The following LSM2 variants were observed in gnomAD, a reference collection of about 807,000 sequenced individuals.
LSM2 encodes the protein LSM2 homolog, U6 small nuclear RNA and mRNA degradation associated, also known as U6 snRNA-associated Sm-like protein LSm2.
A neutral mutation model predicts 17.0 loss-of-function variants in LSM2; 12 were observed. The ratio of observed to expected loss-of-function variants is 0.70; its 90% confidence interval spans 0.45 to 1.14. LSM2 has a LOEUF of 1.14. LSM2 is among the 50% of genes most tolerant of loss of function. The pLI, the probability that LSM2 is intolerant of heterozygous loss-of-function variation, is 0.00. For missense variants in LSM2, 62 were observed against 111.8 expected (o/e 0.55, Z 2.01); for synonymous variants, 42 against 44.5 (o/e 0.94, Z 0.22).
At chr6:31,805,717 T>C (rs938488305) in intron 2 of LSM2, among the ~76,000 whole-genome samples, 1 of 152,160 alleles carries the variant, frequency 6.6e-6, no homozygotes, top group Non-Finnish European at 1.5e-5. Flanking sequence ...TTGCTTTGTA[T>C]TGTTTTCCAA....
chr6:31,805,105 A>G (rs1270444120), intron 2 of LSM2, among the ~76,000 whole-genome samples: 1 of 150,680 alleles, frequency 6.6e-6, no homozygotes, highest in African/African-American at 2.4e-5. Flanking sequence ...TCCTCTGTCA[A>G]CCAGGCTGGA....
At chr6:31,805,580 G>C (rs1310454177) in intron 2 of LSM2, among the ~76,000 whole-genome samples, 1 of 151,138 alleles carries the variant, frequency 6.6e-6, no homozygotes, top group Non-Finnish European at 1.5e-5. Flanking sequence ...GACCGGGCTG[G>C]TCTTGAACTC....
intron 1 of LSM2, 83 bp downstream of exon 1, chr6:31,806,672 G>A (rs898902812): frequency 6.4e-7 from 1 of 1,551,438 alleles, no homozygotes; most frequent in Non-Finnish European, 8.8e-7. Context: ...CCTAACTCCA[G>A]CCTAGGGGTA....
Position 31,806,582 on chromosome 6 carries a change from AAT to A in LSM2, c.3+171_3+172del. 5.5e-6 allele frequency: 5 copies of A among 903,596 alleles called. No individual in the cohort carries two copies. The South Asian group carries it at 7.3e-5, about 13-fold the overall frequency. The allele number at this position is 903,596 out of a possible 1,614,324, so 56.0% of individuals were successfully genotyped here. A position where few individuals can be genotyped will look rare whatever the true frequency, so the allele number is the denominator to read the frequency against. On this transcript the variant is annotated intron_variant, in intron 1 of 4. Coordinates refer to ENST00000375661, the MANE Select transcript of LSM2 (RefSeq NM_021177.5). ...GGGTTTTTTCCCTCATCATGGAAAA[AAT>A]ATCCCATTTGTTCTCAGTGCCTCCT... is the stretch of plus-strand genomic sequence containing the variant.
intron 2 of LSM2, among the ~76,000 whole-genome samples, chr6:31,803,662 C>T (rs940205079): frequency 2.6e-5 from 4 of 151,456 alleles, no homozygotes; most frequent in African/African-American, 4.9e-5. Context: ...CTCACTACAA[C>T]GTCCGCCTCC....
At chr6:31,806,043 C>G in intron 2 of LSM2, 32 bp downstream of exon 2, 1 of 1,596,682 alleles carries the variant, frequency 6.3e-7, no homozygotes. Flanking sequence ...GGCACACCCA[C>G]CCCCAACAGA....
intron 2 of LSM2, among the ~76,000 whole-genome samples, chr6:31,801,496 T>A (rs532911712): frequency 1.4e-3 from 216 of 152,178 alleles, no homozygotes; most frequent in Non-Finnish European, 2.5e-3. Context: ...ACAACAAACA[T>A]AAGAGAAAGA....
At chr6:31,802,261 CAG>C (rs528173792) in intron 2 of LSM2, among the ~76,000 whole-genome samples, 95 of 151,350 alleles carry the variant, frequency 6.3e-4, no homozygotes, top group African/African-American at 2.3e-3. Flanking sequence ...ACCTGGGTGA[CAG>C]AGTGAGACCC....
intron 2 of LSM2, among the ~76,000 whole-genome samples, chr6:31,800,301 A>G (rs1430954273): frequency 1.3e-5 from 2 of 152,126 alleles, no homozygotes; most frequent in Non-Finnish European, 2.9e-5. Flanking sequence ...GAGCCACTGC[A>G]CTCCAGCCTG....
intron 2 of LSM2, among the ~76,000 whole-genome samples, chr6:31,804,768 T>C (rs893110701): frequency 3.1e-4 from 38 of 123,328 alleles, no homozygotes; most frequent in Non-Finnish European, 4.3e-4. Flanking sequence ...TTTTTCTTTT[T>C]TTTTTTTTTT....
At chr6:31,801,581 G>A (rs1236894521) in intron 2 of LSM2, among the ~76,000 whole-genome samples, 1 of 151,956 alleles carries the variant, frequency 6.6e-6, no homozygotes. Context: ...GATCACTTGA[G>A]GTCAGGAGTT....
chr6:31,798,603 A>AGCTT (rs1336210941), intron 2 of LSM2, 96 bp from the exon 3 acceptor site: 27 of 1,411,710 alleles, frequency 1.9e-5, no homozygotes, highest in Non-Finnish European at 2.7e-5. Context: ...GACTGGGAGA[A>AGCTT]GTCAAGGACT....
intron 2 of LSM2, among the ~76,000 whole-genome samples, chr6:31,803,445 C>T (rs1162448807): frequency 6.6e-6 from 1 of 152,066 alleles, no homozygotes; most frequent in East Asian, 1.9e-4. Flanking sequence ...GGTGGTGCCA[C>T]TGCACTACAG....
In LSM2 at chr6:31,797,724, A is replaced by G. The variant is rs779691972; in HGVS notation, c.*33T>C. ...TGGGACTTGGGGTTATGGGTCACCA[A>G]TGAAAGAGGGAGGGGAAGAGGAGGA... is the stretch of plus-strand genomic sequence containing the variant. On this transcript the variant is annotated 3_prime_UTR_variant, in exon 5 of 5. Coordinates refer to ENST00000375661, the MANE Select transcript of LSM2 (RefSeq NM_021177.5). 3.1e-6 allele frequency: 5 copies of G among 1,611,810 alleles called. No homozygotes were observed. In the Admixed American group the frequency reaches 8.3e-5, roughly 27 times the overall value.
intron 2 of LSM2, among the ~76,000 whole-genome samples, chr6:31,801,977 A>C (rs967603841): frequency 6.6e-6 from 1 of 151,850 alleles, no homozygotes; most frequent in Non-Finnish European, 1.5e-5. Context: ...TCTCTATGAA[A>C]AATTTTAAAA....
At chr6:31,806,643 T>C in intron 1 of LSM2, 112 bp downstream of exon 1, 2 of 1,337,780 alleles carry the variant, frequency 1.5e-6, no homozygotes, top group South Asian at 2.5e-5. Context: ...GTACTAAAGA[T>C]GAAGATAAAA....
intron 2 of LSM2, 89 bp from the exon 3 acceptor site, chr6:31,798,596 T>C (rs960808578): frequency 6.8e-7 from 1 of 1,465,400 alleles, no homozygotes; most frequent in Middle Eastern, 1.7e-4. Context: ...AGAACATGAC[T>C]GGGAGAAGTC....
chr6:31,806,733 C>A (rs761014252), intron 1 of LSM2, 22 bp downstream of exon 1: 3 of 1,609,754 alleles, frequency 1.9e-6, no homozygotes, highest in African/African-American at 1.3e-5. Flanking sequence ...AGGGCGCCCC[C>A]TTTTGACGTC....
At position 31,797,680 on chromosome 6, in the gene LSM2, G is replaced by C; in HGVS notation, c.*77C>G. The C allele has an allele frequency of 6.3e-7, 1 of 1,597,314 alleles. No individual in the cohort carries two copies. On this transcript the variant is annotated 3_prime_UTR_variant, in exon 5 of 5. Coordinates refer to ENST00000375661, the MANE Select transcript of LSM2 (RefSeq NM_021177.5). ...AAAAACAAAACCCCTTCAAGTATTGGGGGTTAGGGGTTCTGGGCTGGGACT... is the reference window on the plus strand; with the variant it reads ...AAAAACAAAACCCCTTCAAGTATTGCGGGTTAGGGGTTCTGGGCTGGGACT...
Sources: gnomAD v4.1 joint callset for allele counts (sites outside exome capture counted in the v4.1 genomes callset) on GRCh38, gnomAD v4.1.1 for gene constraint, MANE v1.5 for transcripts, NCBI Gene and HGNC (gene_info 2026-07-23, HGNC 2026-07-21) for gene names.